PFKP: variants seen among roughly 807,000 people sequenced by gnomAD.
PFKP encodes the protein phosphofructokinase, platelet.
Under a neutral mutation model 94.3 loss-of-function variants are expected in PFKP, and 101 were observed. The ratio of observed to expected loss-of-function variants is 1.07; its 90% CI spans 0.91 to 1.26. PFKP has a LOEUF of 1.26. Among genes scored for constraint, PFKP ranks in the 50% most tolerant of loss-of-function variants. PFKP has a pLI of 0.00. For missense variants in PFKP, 1,145 were observed against 1,103.3 expected (o/e 1.04, Z -0.53); for synonymous variants, 573 against 432.6 (o/e 1.32, Z -4.03).
At chr10:3,093,111 G>A (rs1439118129) in intron 2 of PFKP, among the ~76,000 whole-genome samples, 1 of 152,204 alleles carries the variant, frequency 6.6e-6, no homozygotes, top group East Asian at 1.9e-4. Flanking sequence ...GGGATGTGTG[G>A]AAGGGGCTGG....
intron 15 of PFKP, among the ~76,000 whole-genome samples, chr10:3,119,484 A>G (rs1837172473): frequency 6.6e-6 from 1 of 152,150 alleles, no homozygotes; most frequent in African/African-American, 2.4e-5. Flanking sequence ...AGGTGCCTGT[A>G]GTCCCAGCTA....
At chr10:3,108,914 C>T (rs186788325) in intron 9 of PFKP, 121 bp downstream of exon 9, 106 of 736,750 alleles carry the variant, frequency 1.4e-4, no homozygotes, top group African/African-American at 1.1e-3. Flanking sequence ...GCCCGCGGCC[C>T]GGCCCTCATC....
intron 17 of PFKP, among the ~76,000 whole-genome samples, chr10:3,131,372 C>G (rs1349666570): frequency 6.6e-6 from 1 of 152,158 alleles, no homozygotes; most frequent in Non-Finnish European, 1.5e-5. Flanking sequence ...TGACTCATGA[C>G]CGTATTTCAG....
chr10:3,102,124 G>A (rs551616031), intron 4 of PFKP, among the ~76,000 whole-genome samples: 27 of 149,224 alleles, frequency 1.8e-4, no homozygotes, highest in Non-Finnish European at 3.4e-4. Context: ...AGTGGCGGGC[G>A]CCTGTAGTCC....
At position 3,136,610 on chromosome 10, in the gene PFKP, C is replaced by T. The variant is rs141263930; in HGVS notation, c.*31C>T. 5,652 of 1,607,642 alleles carry T rather than the reference C, an allele frequency of 3.5e-3. 23 individuals are homozygous for T. The highest frequency in any genetic ancestry group is 3.7e-3 in the Non-Finnish European group (4,404 of 1,175,462). On this transcript the variant is annotated 3_prime_UTR_variant, in exon 22 of 22. Transcript: ENST00000381125. ...TCCCGCCTGCATGTGCCTGCAGCCA[C>T]CGTGGACTGTCTGTTTTTGTAACAC...
intron 4 of PFKP, among the ~76,000 whole-genome samples, chr10:3,103,452 G>T (rs900066995): frequency 6.6e-6 from 1 of 152,104 alleles, no homozygotes; most frequent in Non-Finnish European, 1.5e-5. Context: ...TTTAAGACCC[G>T]CCTGGGCAAC....
chr10:3,101,083 C>T, intron 3 of PFKP: 1 of 1,117,728 alleles, frequency 8.9e-7, no homozygotes, highest in Non-Finnish European at 1.4e-6. Flanking sequence ...ACACCGCAGG[C>T]TGGTTCCTGC....
chr10:3,105,039 C>G (rs1835397007), intron 5 of PFKP, 76 bp from the exon 6 acceptor site: 1 of 1,397,240 alleles, frequency 7.2e-7, no homozygotes, highest in South Asian at 1.2e-5. Flanking sequence ...TGAGCTGTTT[C>G]CAGGACTGAG....
Position 3,109,469 on chromosome 10 carries a change from T to G in PFKP, c.1078T>G (p.Cys360Gly), listed in dbSNP as rs1327295981. The change falls in exon 10 of 22, where the codon TGC becomes GGC. Residue 360 changes from cysteine (C) to glycine (G), a missense_variant. By Grantham distance (159) the Cys-to-Gly change is radical. Transcript: ENST00000381125. Reference protein sequence around the residue: ...NHAVRLPLMECVQMTQDVQKA... With the variant: ...NHAVRLPLMEGVQMTQDVQKA... ...CGCCGTGCGCCTGCCGCTGATGGAG[T>G]GCGTGCAGATGGTGAGTGGGCAGCC... The G allele has an allele frequency of 6.2e-7, 1 of 1,604,710 alleles. No homozygotes were observed. Among genetic ancestry groups the G allele is most frequent in the Non-Finnish European group, 8.5e-7 (1 of 1,179,698 alleles).
intron 2 of PFKP, among the ~76,000 whole-genome samples, chr10:3,097,453 C>A (rs1834581540): frequency 6.6e-6 from 1 of 151,806 alleles, no homozygotes; most frequent in Non-Finnish European, 1.5e-5. Flanking sequence ...CAAGGGGAGA[C>A]AATAATAATA....
At chr10:3,100,891 G>T (rs1303443235) in intron 3 of PFKP, 2 of 1,022,654 alleles carry the variant, frequency 2.0e-6, no homozygotes, top group Non-Finnish European at 1.4e-6. Flanking sequence ...AATCCCCCTG[G>T]CCCCAGGTTC....
chr10:3,133,831 T>C (rs949943433), intron 19 of PFKP, among the ~76,000 whole-genome samples: 3 of 152,218 alleles, frequency 2.0e-5, no homozygotes, highest in African/African-American at 7.2e-5. Context: ...CTGTCAGCTT[T>C]CATGAAAACA....
In PFKP at chr10:3,132,429, G is replaced by A. The variant is rs1037729009; in HGVS notation, c.1898G>A (p.Gly633Asp). Reference protein sequence around the residue: ...TEKMKTTIQRGLVLRNESCSE... With the variant: ...TEKMKTTIQRDLVLRNESCSE... ...AAAATGAAGACCACCATCCAGAGAG[G>A]CCTTGTGCTCAGGTGAGAGAGAGAG... is the stretch of plus-strand genomic sequence containing the variant. Residue 633 changes from glycine to aspartate, a missense_variant, in exon 18 of 22, where the codon GGC becomes GAC. By Grantham distance (94) the Gly-to-Asp change is moderately conservative. Coordinates refer to ENST00000381125, the MANE Select transcript of PFKP (RefSeq NM_002627.5). 1.9e-6 allele frequency: 3 copies of A among 1,610,454 alleles called. No homozygotes were observed. Among genetic ancestry groups the A allele is most frequent in the African/African-American group, 1.3e-5 (1 of 74,966 alleles).
rs1459573061 is a variant in PFKP, at chr10:3,108,745, C to G, written c.915C>G (p.Leu305=). 5 of 1,613,970 alleles carry G rather than the reference C, an allele frequency of 3.1e-6. No individual in the cohort carries two copies. Among genetic ancestry groups the G allele is most frequent in the Admixed American group, 1.7e-5 (1 of 60,014 alleles). ...QLGYDTRVTI[L]GHVQRGGTPS... ...GCTATGACACACGTGTGACCATCCTCGGGCACGTGCAGAGAGGAGGGACCC... is the reference window on the plus strand; with the variant it reads ...GCTATGACACACGTGTGACCATCCTGGGGCACGTGCAGAGAGGAGGGACCC... The change falls in exon 9 of 22, where the codon CTC becomes CTG. Residue 305 remains leucine (L), a synonymous_variant. Coordinates refer to ENST00000381125, the MANE Select transcript of PFKP (RefSeq NM_002627.5).
At chr10:3,094,011 G>A (rs1485765204) in intron 2 of PFKP, among the ~76,000 whole-genome samples, 2 of 152,140 alleles carry the variant, frequency 1.3e-5, no homozygotes, top group East Asian at 3.9e-4. Flanking sequence ...TGTATGATCT[G>A]CCTTCATCCC....
intron 4 of PFKP, 70 bp downstream of exon 4, chr10:3,101,624 T>TC: frequency 8.7e-7 from 1 of 1,144,898 alleles, no homozygotes; most frequent in Non-Finnish European, 1.2e-6. Flanking sequence ...CCGACAGGTT[T>TC]CCCTCTTCAC....
At chr10:3,111,874 C>T (rs1306291527) in intron 10 of PFKP, among the ~76,000 whole-genome samples, 2 of 152,178 alleles carry the variant, frequency 1.3e-5, no homozygotes, top group Non-Finnish European at 2.9e-5. Context: ...TCCTTAGAAC[C>T]ATGCCTGAGA....
intron 16 of PFKP, 191 bp from the exon 17 acceptor site, chr10:3,129,628 G>A (rs146238680): frequency 2.1e-5 from 13 of 619,936 alleles, no homozygotes; most frequent in African/African-American, 9.3e-5. Flanking sequence ...GTGGGGTTGC[G>A]GGGGACCACG....
intron 2 of PFKP, among the ~76,000 whole-genome samples, chr10:3,084,314 C>A (rs917468532): frequency 4.6e-5 from 7 of 152,170 alleles, no homozygotes; most frequent in African/African-American, 7.2e-5. Context: ...CTTCTGAGCA[C>A]TGGCAGGTTT....
Sources: gnomAD v4.1 joint callset for allele counts (sites outside exome capture counted in the v4.1 genomes callset) on GRCh38, gnomAD v4.1.1 for gene constraint, MANE v1.5 for transcripts, NCBI Gene and HGNC (gene_info 2026-07-23, HGNC 2026-07-21) for gene names.